GRIK2: variants seen among roughly 807,000 people sequenced by gnomAD.
GRIK2 encodes the protein glutamate receptor ionotropic, kainate 2.
Under a neutral mutation model 100.3 loss-of-function variants are expected in GRIK2, and 32 were observed. That is an observed-to-expected ratio of 0.32 (90% confidence interval 0.24 to 0.43). GRIK2 has a LOEUF of 0.43. GRIK2 is among the 20% of genes least tolerant of loss of function. The pLI, the probability that GRIK2 is intolerant of heterozygous loss-of-function variation, is 1.00. For synonymous variants in GRIK2, 417 were observed against 389.4 expected (o/e 1.07, Z -0.83); for missense variants, 843 against 1,114.9 (o/e 0.76, Z 3.47).
chr6:102,022,639 T>A (rs1769489007), intron 14 of GRIK2, among the ~76,000 whole-genome samples: 1 of 151,818 alleles, frequency 6.6e-6, no homozygotes, highest in East Asian at 1.9e-4. Context: ...AAGTTCATAC[T>A]GTCAGAATTA....
chr6:101,947,325 T>A (rs1791342554), intron 14 of GRIK2, among the ~76,000 whole-genome samples: 2 of 152,310 alleles, frequency 1.3e-5, no homozygotes, highest in South Asian at 2.1e-4. Context: ...TTATCATTAT[T>A]TTATTTTGAA....
rs375847244 is a variant in GRIK2 at position 102,003,043 on chromosome 6, G to T, written c.2086-32298G>T. Among the ~76,000 whole-genome samples, 10 of 150,626 alleles carry T rather than the reference G, an allele frequency of 6.6e-5. No individual in the cohort carries two copies. The East Asian group carries it at 1.8e-3, about 26-fold the overall frequency. On this transcript the variant is annotated intron_variant, in intron 14 of 16. Coordinates refer to ENST00000369134, the MANE Select transcript of GRIK2 (RefSeq NM_021956.5). ...ATGCTTTTATTTTTAAACTTTCTTT[G>T]TTCTTCTGATTGTATCTCTTATAGA...
chr6:101,395,938 C>T (rs1456824859), intron 1 of GRIK2, among the ~76,000 whole-genome samples: 1 of 151,980 alleles, frequency 6.6e-6, no homozygotes, highest in Non-Finnish European at 1.5e-5. Flanking sequence ...AAAAATGAGA[C>T]CATAGAATAA....
intron 7 of GRIK2, among the ~76,000 whole-genome samples, chr6:101,794,344 T>G (rs6930278): frequency 6.6e-6 from 1 of 151,790 alleles, no homozygotes; most frequent in African/African-American, 2.4e-5. Context: ...TCCTATTCGG[T>G]CATCTTGGCT....
intron 2 of GRIK2, among the ~76,000 whole-genome samples, chr6:101,513,150 AG>A: frequency 6.6e-6 from 1 of 152,206 alleles, no homozygotes; most frequent in Non-Finnish European, 1.5e-5. Flanking sequence ...CACTTCAGAG[AG>A]GCATGAGACA....
At chr6:101,931,502 T>C (rs1790283632) in intron 14 of GRIK2, among the ~76,000 whole-genome samples, 1 of 152,154 alleles carries the variant, frequency 6.6e-6, no homozygotes, top group Non-Finnish European at 1.5e-5. Context: ...GCTCCAGATA[T>C]CTGGTGTTAA....
intron 14 of GRIK2, among the ~76,000 whole-genome samples, chr6:101,931,021 A>G (rs1177064023): frequency 2.0e-5 from 3 of 152,204 alleles, no homozygotes; most frequent in African/African-American, 7.2e-5. Context: ...ATATTATCAC[A>G]TGCTGAGTTC....
chr6:101,747,096 G>T (rs1307542771), intron 7 of GRIK2, among the ~76,000 whole-genome samples: 1 of 152,098 alleles, frequency 6.6e-6, no homozygotes, highest in African/African-American at 2.4e-5. Flanking sequence ...TACTTTCTAA[G>T]TCACAAATCC....
At chr6:101,671,392 C>A (rs202240458) in intron 4 of GRIK2, among the ~76,000 whole-genome samples, 3 of 150,168 alleles carry the variant, frequency 2.0e-5, no homozygotes, top group South Asian at 2.1e-4. Context: ...TGTTCCAAAA[C>A]AAAAAAAAAA....
At chr6:101,557,535 T>C (rs955791816) in intron 2 of GRIK2, among the ~76,000 whole-genome samples, 1 of 152,166 alleles carries the variant, frequency 6.6e-6, no homozygotes, top group Admixed American at 6.5e-5. Flanking sequence ...TTTAATAAAG[T>C]GGGGTTTTCT....
At chr6:101,445,072 T>G (rs1214497044) in intron 2 of GRIK2, among the ~76,000 whole-genome samples, 1 of 152,062 alleles carries the variant, frequency 6.6e-6, no homozygotes, top group African/African-American at 2.4e-5. Context: ...CTCTATCAAT[T>G]CCCTGAGAAT....
chr6:101,890,864 A>G (rs1289823393), intron 12 of GRIK2, among the ~76,000 whole-genome samples: 6 of 151,728 alleles, frequency 4.0e-5, no homozygotes, highest in African/African-American at 1.4e-4. Flanking sequence ...TATTCATTAT[A>G]TTCTTTGAAT....
chr6:101,401,903 C>T (rs1202564715), intron 2 of GRIK2, among the ~76,000 whole-genome samples: 1 of 152,174 alleles, frequency 6.6e-6, no homozygotes, highest in East Asian at 1.9e-4. Context: ...AGGCAGCATC[C>T]AGTGTCCCTT....
At chr6:101,714,689 C>T (rs1024534027) in intron 7 of GRIK2, among the ~76,000 whole-genome samples, 3 of 151,800 alleles carry the variant, frequency 2.0e-5, no homozygotes, top group Non-Finnish European at 3.0e-5. Context: ...TTTATCATTT[C>T]GCTTCTTAAT....
chr6:101,603,145 C>G lies in GRIK2; in HGVS notation c.116-18804C>G, dbSNP rs186968394. On this transcript the variant is annotated intron_variant, in intron 2 of 16. Transcript: ENST00000369134. The stretch of plus-strand genomic sequence containing the variant: ...TAATCTTAAAGATCTTATCATATAC[C>G]TGAAAACACTGGATGTAAAATAGAC... 3.3e-3 allele frequency among the ~76,000 whole-genome samples: 491 copies of G among 147,088 alleles called. 7 individuals are homozygous for G. The highest frequency in any genetic ancestry group is 0.012 in the African/African-American group (483 of 39,522).
intron 2 of GRIK2, among the ~76,000 whole-genome samples, chr6:101,436,022 G>A (rs989643448): frequency 6.6e-6 from 1 of 151,948 alleles, no homozygotes; most frequent in Non-Finnish European, 1.5e-5. Context: ...TTTTTAAAAA[G>A]TTATATTCTT....
intron 2 of GRIK2, among the ~76,000 whole-genome samples, chr6:101,555,355 C>G (rs534341863): frequency 1.3e-3 from 192 of 152,238 alleles, no homozygotes; most frequent in African/African-American, 4.6e-3. Context: ...TGGACCTTAT[C>G]CCCTTATGGC....
intron 11 of GRIK2, among the ~76,000 whole-genome samples, chr6:101,864,272 C>A (rs1784920010): frequency 6.6e-6 from 1 of 151,868 alleles, no homozygotes; most frequent in African/African-American, 2.4e-5. Context: ...TTGGAGGAGA[C>A]ACAACAGAAG....
chr6:101,987,336 A>G (rs1348769500), intron 14 of GRIK2, among the ~76,000 whole-genome samples: 1 of 151,854 alleles, frequency 6.6e-6, no homozygotes, highest in Non-Finnish European at 1.5e-5. Flanking sequence ...TTCTAATAGT[A>G]TGCAAACAAA....
Sources: gnomAD v4.1 joint callset for allele counts (sites outside exome capture counted in the v4.1 genomes callset) on GRCh38, gnomAD v4.1.1 for gene constraint, MANE v1.5 for transcripts, NCBI Gene and HGNC (gene_info 2026-07-23, HGNC 2026-07-21) for gene names.